Variants in SFMBT2 observed in about 807,000 individuals in gnomAD.
SFMBT2 encodes scm-like with four MBT domains protein 2.
SFMBT2 carries 38 observed loss-of-function variants against 110.1 expected under a neutral mutation model. The ratio of observed to expected loss-of-function variants is 0.35; its 90% confidence interval spans 0.27 to 0.45. The LOEUF (loss-of-function observed/expected upper bound fraction) is 0.45. Ranked by LOEUF, SFMBT2 falls within the 20% of genes least tolerant of loss-of-function variation. The pLI, the probability that SFMBT2 is intolerant of heterozygous loss-of-function variation, is 1.00. For synonymous variants in SFMBT2, 425 were observed against 425.4 expected (o/e 1.00, Z 0.01); for missense variants, 1,011 against 1,094.9 (o/e 0.92, Z 1.08).
At chr10:7,184,574 T>G (rs1261838066) in intron 16 of SFMBT2, among the ~76,000 whole-genome samples, 1 of 152,072 alleles carries the variant, frequency 6.6e-6, no homozygotes, top group Non-Finnish European at 1.5e-5. Context: ...TTGAGAAGAA[T>G]CTAAATGGAT....
At chr10:7,386,131 G>A (rs1845597773) in intron 1 of SFMBT2, among the ~76,000 whole-genome samples, 3 of 152,158 alleles carry the variant, frequency 2.0e-5, no homozygotes. Context: ...TTTCAGCCTG[G>A]CCATCTCAGG....
At chr10:7,195,337 C>T (rs545975233) in intron 15 of SFMBT2, among the ~76,000 whole-genome samples, 32 of 152,280 alleles carry the variant, frequency 2.1e-4, no homozygotes, top group Middle Eastern at 3.4e-3. Context: ...AACCACACTG[C>T]GGAGCCCTTC....
At chr10:7,234,437 T>C (rs1389962114) in intron 9 of SFMBT2, among the ~76,000 whole-genome samples, 1 of 152,150 alleles carries the variant, frequency 6.6e-6, no homozygotes, top group African/African-American at 2.4e-5. Context: ...CAGGATGGGG[T>C]CTAACATCAT....
At chr10:7,366,952 C>T (rs1474639008) in intron 4 of SFMBT2, among the ~76,000 whole-genome samples, 1 of 152,186 alleles carries the variant, frequency 6.6e-6, no homozygotes, top group Non-Finnish European at 1.5e-5. Flanking sequence ...GGGGGTAAAA[C>T]TGCCCCCGGA....
chr10:7,366,742 C>T (rs907210344), intron 4 of SFMBT2, among the ~76,000 whole-genome samples: 4 of 152,244 alleles, frequency 2.6e-5, no homozygotes, highest in African/African-American at 9.6e-5. Context: ...ATGCATTTAT[C>T]ATGTCCAGCC....
chr10:7,300,481 C>T (rs949518932), intron 4 of SFMBT2, among the ~76,000 whole-genome samples: 4 of 152,338 alleles, frequency 2.6e-5, no homozygotes, highest in African/African-American at 9.6e-5. Flanking sequence ...GGTCAACCCT[C>T]AGGCTTCTCA....
chr10:7,295,842 G>A (rs1325331106), intron 4 of SFMBT2, among the ~76,000 whole-genome samples: 1 of 152,092 alleles, frequency 6.6e-6, no homozygotes, highest in Non-Finnish European at 1.5e-5. Flanking sequence ...CACCAATACT[G>A]TTCATTTCAG....
intron 4 of SFMBT2, among the ~76,000 whole-genome samples, chr10:7,288,076 T>C (rs1334583886): frequency 6.6e-6 from 1 of 152,250 alleles, no homozygotes; most frequent in Non-Finnish European, 1.5e-5. Context: ...CTGCTGGTTA[T>C]TGATTATTCA....
intron 4 of SFMBT2, among the ~76,000 whole-genome samples, chr10:7,315,050 A>G (rs1310856112): frequency 1.7e-5 from 2 of 120,742 alleles, no homozygotes; most frequent in African/African-American, 5.8e-5. Flanking sequence ...GAAAGAAAGA[A>G]AGAAAGAAAG....
intron 9 of SFMBT2, among the ~76,000 whole-genome samples, chr10:7,228,740 CTCTCTCT>C (rs1840011734): frequency 1.8e-4 from 6 of 32,716 alleles, no homozygotes; most frequent in East Asian, 1.2e-3. Context: ...TCTTTCCTTT[CTCTCTCT>C]CTCTCTCTCT....
chr10:7,226,621 A>G (rs1287856162), intron 10 of SFMBT2, among the ~76,000 whole-genome samples: 7 of 152,262 alleles, frequency 4.6e-5, no homozygotes, highest in Non-Finnish European at 1.0e-4. Flanking sequence ...AGCATGTTGA[A>G]CACAGTAGAC....
At chr10:7,392,002 T>A (rs1311674073) in intron 1 of SFMBT2, among the ~76,000 whole-genome samples, 1 of 152,212 alleles carries the variant, frequency 6.6e-6, no homozygotes, top group Non-Finnish European at 1.5e-5. Flanking sequence ...CCATGGTAAG[T>A]AGCACTCTAG....
At chr10:7,250,710 T>G (rs1410567125) in intron 7 of SFMBT2, among the ~76,000 whole-genome samples, 1 of 152,260 alleles carries the variant, frequency 6.6e-6, no homozygotes, top group African/African-American at 2.4e-5. Flanking sequence ...AGTGTGTAAG[T>G]GTTCCCTGTT....
At chr10:7,200,585 C>A (rs766640632) in intron 13 of SFMBT2, 101 bp from the exon 14 acceptor site, 87 of 948,064 alleles carry the variant, frequency 9.2e-5, no homozygotes, top group Non-Finnish European at 1.3e-4. Flanking sequence ...TTCCAGAAAT[C>A]TCAGATAAGA....
chr10:7,164,020 TTTCA>T lies in SFMBT2; in HGVS notation c.2545-114_2545-111del, dbSNP rs1197810049. 4 of 1,430,618 alleles carry T rather than the reference TTTCA, an allele frequency of 2.8e-6. No homozygotes were observed. In the African/African-American group the frequency reaches 5.8e-5, roughly 21 times the overall value. The allele number at this position is 1,430,618 out of a possible 1,614,324, so 88.6% of individuals were successfully genotyped here. A position where few individuals can be genotyped will look rare whatever the true frequency, so the allele number is the denominator to read the frequency against. On this transcript the variant is annotated intron_variant, in intron 20 of 20. Coordinates refer to ENST00000397167, the MANE Select transcript of SFMBT2 (RefSeq NM_001387889.1). ...CAAACATGACAACAGGATGCTCTTG[TTTCA>T]TTCAATTCAGGGGATTGTTGGTAGA... is the stretch of plus-strand genomic sequence containing the variant.
At chr10:7,339,377 T>C (rs1438422660) in intron 4 of SFMBT2, among the ~76,000 whole-genome samples, 3 of 152,268 alleles carry the variant, frequency 2.0e-5, no homozygotes, top group African/African-American at 7.2e-5. Context: ...GGATGCTTTG[T>C]AACTTCTCTT....
At chr10:7,314,470 C>A (rs1015335426) in intron 4 of SFMBT2, among the ~76,000 whole-genome samples, 3 of 152,214 alleles carry the variant, frequency 2.0e-5, no homozygotes, top group African/African-American at 7.2e-5. Flanking sequence ...ACAAGCACTA[C>A]CTGTAACATT....
At chr10:7,343,853 T>A (rs1276836396) in intron 4 of SFMBT2, among the ~76,000 whole-genome samples, 1 of 152,204 alleles carries the variant, frequency 6.6e-6, no homozygotes, top group African/African-American at 2.4e-5. Flanking sequence ...TGTGACGTTA[T>A]CACTACAACA....
At chr10:7,289,587 T>C (rs1192901059) in intron 4 of SFMBT2, among the ~76,000 whole-genome samples, 2 of 152,180 alleles carry the variant, frequency 1.3e-5, no homozygotes, top group African/African-American at 2.4e-5. Flanking sequence ...CTCTCCATGG[T>C]AGACGTATCT....
Sources: allele counts gnomAD v4.1 joint callset (sites outside exome capture counted in the v4.1 genomes callset), GRCh38; gene constraint gnomAD v4.1.1; transcripts MANE v1.5; gene names NCBI Gene and HGNC (gene_info 2026-07-23, HGNC 2026-07-21).